Variants in RBM28 observed in about 807,000 individuals in gnomAD.
The protein encoded by RBM28 is RNA binding motif protein 28, also known as RNA-binding protein 28.
Under a neutral mutation model 98.3 loss-of-function variants are expected in RBM28, and 78 were observed. That is an observed-to-expected ratio of 0.79 (90% CI 0.66 to 0.96). The LOEUF is 0.96. Among genes scored for constraint, RBM28 ranks in the 40% least tolerant of loss-of-function variants. RBM28 has a pLI of 0.00. For synonymous variants in RBM28, 306 were observed against 330.9 expected (o/e 0.92, Z 0.82); for missense variants, 838 against 913.0 (o/e 0.92, Z 1.06).
intron 10 of RBM28, among the ~76,000 whole-genome samples, chr7:128,326,552 CAG>C (rs1256607005): frequency 3.3e-5 from 5 of 152,178 alleles, no homozygotes; most frequent in African/African-American, 1.2e-4. Context: ...CTGTGCTGTA[CAG>C]GTTTGTAGCC....
At chr7:128,325,742 T>G in intron 11 of RBM28, 76 bp downstream of exon 11, 1 of 974,860 alleles carries the variant, frequency 1.0e-6, no homozygotes, top group South Asian at 1.3e-5. Flanking sequence ...AATAAAGCTT[T>G]GTATAAATAC....
chr7:128,327,546 G>A (rs898918982), intron 10 of RBM28, among the ~76,000 whole-genome samples: 3 of 151,908 alleles, frequency 2.0e-5, no homozygotes, highest in African/African-American at 4.8e-5. Context: ...TGTTGCCCAG[G>A]CTGGAGTCTA....
intron 16 of RBM28, among the ~76,000 whole-genome samples, chr7:128,316,827 C>T (rs1796116298): frequency 6.6e-6 from 1 of 152,200 alleles, no homozygotes; most frequent in Admixed American, 6.5e-5. Flanking sequence ...ATAACCAGAT[C>T]CCAGATTTTC....
chr7:128,331,506 A>G (rs950297346), intron 9 of RBM28, among the ~76,000 whole-genome samples: 8 of 152,076 alleles, frequency 5.3e-5, no homozygotes, highest in African/African-American at 1.5e-4. Context: ...CTTACTACAA[A>G]CTAGAAGACT....
chr7:128,300,077 A>T lies in RBM28; in HGVS notation c.*10720T>A, dbSNP rs1411049818. The T allele has an allele frequency of 6.6e-6, 1 of 152,244 alleles. No individual in the cohort carries two copies. Among genetic ancestry groups the T allele is most frequent in the East Asian group, 1.9e-4 (1 of 5,192 alleles). The allele number at this position is 152,244 out of a possible 1,614,324, so 9.4% of individuals were successfully genotyped here. A position where few individuals can be genotyped will look rare whatever the true frequency, so the allele number is the denominator to read the frequency against. ...GCCACCCAGCCTGTGGTACTCTCTT[A>T]CAGTAGCCCTCCTGACTAATATAGG... On this transcript the variant is annotated 3_prime_UTR_variant, in exon 19 of 19. Transcript: ENST00000223073.
chr7:128,339,311 CT>C lies in RBM28; in HGVS notation c.287del (p.Glu96GlyfsTer21), dbSNP rs1405071794. On this transcript the variant is annotated frameshift_variant, in exon 3 of 19. Transcript: ENST00000223073. LOFTEE classifies it high-confidence loss of function. ...TAGCCTTCGGCTCCTTCTTTGGGCA[CT>C]CTGAGTTTTCTAAAAAATAAGAGGT... Reference protein sequence around the residue: ...TKEKGKNENSECPKKEPKAKK... With the variant: ...TKEKGKNENSXCPKKEPKAKK... The C allele has an allele frequency of 1.2e-6, 2 of 1,610,392 alleles. No homozygotes were observed. Among genetic ancestry groups the C allele is most frequent in the South Asian group, 1.1e-5 (1 of 90,846 alleles).
chr7:128,323,692 C>A, intron 12 of RBM28, 101 bp from the exon 13 acceptor site: 1 of 1,357,310 alleles, frequency 7.4e-7, no homozygotes, highest in Non-Finnish European at 1.0e-6. Context: ...GTACAGGGCC[C>A]AGAGGACTAT....
chr7:128,313,766 G>A (rs937093636), intron 17 of RBM28, among the ~76,000 whole-genome samples: 10 of 152,124 alleles, frequency 6.6e-5, no homozygotes. Flanking sequence ...CCTCAGTGCT[G>A]TTCTCGTGAC....
At chr7:128,340,157 G>A (rs1326290668) in intron 1 of RBM28, among the ~76,000 whole-genome samples, 3 of 152,164 alleles carry the variant, frequency 2.0e-5, no homozygotes, top group Non-Finnish European at 4.4e-5. Context: ...GGCAGGAAAG[G>A]TAAGTATATG....
At chr7:128,329,811 C>T (rs1443578149) in intron 10 of RBM28, among the ~76,000 whole-genome samples, 1 of 148,950 alleles carries the variant, frequency 6.7e-6, no homozygotes, top group South Asian at 2.1e-4. Flanking sequence ...ATGGCGTGAA[C>T]CCAGGAGGCG....
chr7:128,322,632 C>G (rs1442006161), intron 13 of RBM28, among the ~76,000 whole-genome samples: 1 of 152,116 alleles, frequency 6.6e-6, no homozygotes, highest in Non-Finnish European at 1.5e-5. Context: ...GAGCTTTTTG[C>G]TAACAAAATT....
chr7:128,339,270 G>T lies in RBM28; in HGVS notation c.329C>A (p.Ala110Glu). The T allele has an allele frequency of 1.2e-6, 2 of 1,613,644 alleles. No individual in the cohort carries two copies. Among genetic ancestry groups the T allele is most frequent in the Non-Finnish European group, 8.5e-7 (1 of 1,179,622 alleles). The change falls in exon 3 of 19, where the codon GCA (alanine) becomes GAA (glutamate). Residue 110 changes from alanine (A) to glutamate (E), a missense_variant. Physicochemically the swap from Ala to Glu is moderately radical, Grantham distance 107. Coordinates refer to ENST00000223073, the MANE Select transcript of RBM28 (RefSeq NM_018077.3). ...KEPKAKKAKV[A>E]DKKARLIIRN... The stretch of plus-strand genomic sequence containing the variant: ...AATAATTAATCTGGCTTTCTTATCT[G>T]CCACTTTGGCTTTTTTAGCCTTCGG...
Position 128,339,642 on chromosome 7 carries a change from C to T in RBM28, c.268G>A (p.Gly90Arg), listed in dbSNP as rs2116392713. The T allele has an allele frequency of 6.2e-7, 1 of 1,614,058 alleles. No homozygotes were observed. ...KKLRNKTKEKGKNENSECPKK... is the reference protein window; with the variant it reads ...KKLRNKTKEKRKNENSECPKK... ...ATTACTAGAAACTCACCATTTTTCC[C>T]CTTTTCCTTTGTCTTGTTCCTCAGT... Residue 90 changes from glycine to arginine, a missense_variant, in exon 2 of 19, where the codon GGG (glycine) becomes AGG (arginine). Coordinates refer to ENST00000223073, the MANE Select transcript of RBM28 (RefSeq NM_018077.3).
chr7:128,327,876 T>C (rs1467528889), intron 10 of RBM28, among the ~76,000 whole-genome samples: 2 of 152,240 alleles, frequency 1.3e-5, no homozygotes, highest in Non-Finnish European at 2.9e-5. Flanking sequence ...ACAAGTTTCA[T>C]AATTTTGTTT....
At position 128,325,839 on chromosome 7, in the gene RBM28, T is replaced by C; in HGVS notation, c.1182A>G (p.Leu394=). ...MTQEAAQKCL[L]AASPENEAGG... ...TTACCTCATTCTCTGGAGAAGCAGC[T>C]AGAAGGCATTTCTGAGCTGCTTCTT... Residue 394 remains leucine (L), a synonymous_variant, in exon 11 of 19, where the codon CTA becomes CTG. Transcript: ENST00000223073. The C allele has an allele frequency of 6.2e-7, 1 of 1,613,628 alleles. No homozygotes were observed. Among genetic ancestry groups the C allele is most frequent in the Non-Finnish European group, 8.5e-7 (1 of 1,179,790 alleles).
intron 2 of RBM28, 103 bp from the exon 3 acceptor site, chr7:128,339,424 A>G: frequency 8.4e-7 from 1 of 1,185,644 alleles, no homozygotes; most frequent in South Asian, 1.3e-5. Flanking sequence ...CATTTACCAC[A>G]GGGTTAAGTG....
chr7:128,327,907 A>T (rs1403078754), intron 10 of RBM28, among the ~76,000 whole-genome samples: 1 of 152,234 alleles, frequency 6.6e-6, no homozygotes, highest in Non-Finnish European at 1.5e-5. Flanking sequence ...TAAATTTTAA[A>T]TATTCTCTCA....
chr7:128,325,198 T>C lies in RBM28; in HGVS notation c.1204-504A>G, dbSNP rs550787789. ...AATGGATCACTGGGCCTCACAATAT[T>C]TAGTATAGCTGTGCAAAAGGCCACA... On this transcript the variant is annotated intron_variant, in intron 11 of 18. Coordinates refer to ENST00000223073, the MANE Select transcript of RBM28 (RefSeq NM_018077.3). 4.0e-4 allele frequency among the ~76,000 whole-genome samples: 61 copies of C among 152,206 alleles called. 2 individuals carry two copies. In the South Asian group the frequency reaches 6.8e-3, roughly 17 times the overall value.
rs1430987848 is a variant in RBM28, at chr7:128,299,059, G to GT, written c.*11737dup. The GT allele has an allele frequency of 6.6e-6, 1 of 151,656 alleles. No individual in the cohort carries two copies. The highest frequency in any genetic ancestry group is 1.5e-5 in the Non-Finnish European group (1 of 67,980). The allele number at this position is 151,656 out of a possible 1,614,324, so 9.4% of individuals were successfully genotyped here. ...CCCATATTTGTTTTCATCAGGTATG[G>GT]TAAGATGACAGACACAGAGAAAACT... On this transcript the variant is annotated 3_prime_UTR_variant, in exon 19 of 19. Coordinates refer to ENST00000223073, the MANE Select transcript of RBM28 (RefSeq NM_018077.3).
Sources: gnomAD v4.1 joint callset for allele counts (sites outside exome capture counted in the v4.1 genomes callset) on GRCh38, gnomAD v4.1.1 for gene constraint, MANE v1.5 for transcripts, NCBI Gene and HGNC (gene_info 2026-07-23, HGNC 2026-07-21) for gene names.